The following WWC2 variants were observed in gnomAD, a reference collection of about 807,000 sequenced individuals.
The protein encoded by WWC2 is protein WWC2.
WWC2 carries 101 observed loss-of-function variants against 138.5 expected under a neutral mutation model. The observed-to-expected ratio is 0.73, with a 90% confidence interval of 0.62 to 0.86. The LOEUF (loss-of-function observed/expected upper bound fraction) is 0.86. Among genes scored for constraint, WWC2 ranks in the 40% least tolerant of loss-of-function variants. The probability of loss-of-function intolerance (pLI) is 0.00; values close to 1 mark genes in which losing one functional copy is unlikely to be tolerated. For missense variants in WWC2, 1,420 were observed against 1,419.4 expected (o/e 1.00, Z -0.01); for synonymous variants, 558 against 538.4 (o/e 1.04, Z -0.50).
chr4:183,099,533 G>A lies in WWC2; in HGVS notation c.42G>A (p.Arg14=). 2 of 1,409,388 alleles carry A rather than the reference G, an allele frequency of 1.4e-6. No homozygotes were observed. The highest frequency in any genetic ancestry group is 1.5e-5 in the South Asian group (1 of 68,134). 87.3% of individuals were successfully genotyped at this position (1,409,388 alleles called of 1,614,324 possible). ...RAGSGQLPLP[R]GWEEARDYDG... The stretch of plus-strand genomic sequence containing the variant: ...GGAGCGGTCAGCTGCCGCTGCCCCG[G>A]GGCTGGGAGGAGGCCAGGGACTACG... The change falls in exon 1 of 23, where the codon CGG becomes CGA. Residue 14 remains arginine (R), a synonymous_variant. Transcript: ENST00000403733.
intron 4 of WWC2, among the ~76,000 whole-genome samples, chr4:183,214,794 A>AG (rs1329207660): frequency 1.3e-5 from 2 of 152,192 alleles, no homozygotes; most frequent in East Asian, 3.9e-4. Context: ...AAAAAAAAAA[A>AG]GAAATATGCC....
chr4:183,314,803 G>C (rs1039886574), intron 22 of WWC2, among the ~76,000 whole-genome samples: 4 of 152,248 alleles, frequency 2.6e-5, no homozygotes, highest in South Asian at 4.2e-4. Flanking sequence ...CAAATTTAAA[G>C]GACACTGTTC....
At chr4:183,156,426 G>A (rs1009280541) in intron 1 of WWC2, among the ~76,000 whole-genome samples, 4 of 149,478 alleles carry the variant, frequency 2.7e-5, no homozygotes, top group Non-Finnish European at 5.9e-5. Context: ...CCACTTCCTG[G>A]GTTCAAGTGA....
At chr4:183,246,780 T>C (rs1445913975) in intron 6 of WWC2, among the ~76,000 whole-genome samples, 1 of 152,230 alleles carries the variant, frequency 6.6e-6, no homozygotes, top group Non-Finnish European at 1.5e-5. Context: ...ATATAACACA[T>C]GCAAGACTTT....
chr4:183,249,828 T>G, intron 7 of WWC2, 92 bp from the exon 8 acceptor site: 1 of 1,056,296 alleles, frequency 9.5e-7, no homozygotes, highest in South Asian at 1.5e-5. Flanking sequence ...TTCTTTAACT[T>G]TTCAATTACA....
intron 12 of WWC2, 98 bp from the exon 13 acceptor site, chr4:183,265,590 A>G (rs1737474774): frequency 7.9e-7 from 1 of 1,259,032 alleles, no homozygotes. Flanking sequence ...AGTGCTGTTA[A>G]TTTGGATTTT....
At position 183,250,012 on chromosome 4, in the gene WWC2, T is replaced by G. The variant is rs776298101; in HGVS notation, c.953+19T>G. The stretch of plus-strand genomic sequence containing the variant: ...AAAGAAGGTAATGACAGAGAAGCTG[T>G]TTTGTGCATGGCTCAAACATTTTCT... On this transcript the variant is annotated intron_variant, in intron 8 of 22. Transcript: ENST00000403733. The G allele has an allele frequency of 1.2e-6, 2 of 1,606,926 alleles. No individual in the cohort carries two copies. Among genetic ancestry groups the G allele is most frequent in the Non-Finnish European group, 8.5e-7 (1 of 1,173,940 alleles).
rs1318556738 is a variant in WWC2 at position 183,111,649 on chromosome 4, C to CT, written c.131+12029dup. Reference sequence around the variant, plus strand: ...CCATATGTTCTTTTCTTATCTGCTGCTTATCAGTGTTTGAGTTTGATAAAA... The same window carrying CT: ...CCATATGTTCTTTTCTTATCTGCTGCTTTATCAGTGTTTGAGTTTGATAAAA... On this transcript the variant is annotated intron_variant, in intron 1 of 22. Coordinates refer to ENST00000403733, the MANE Select transcript of WWC2 (RefSeq NM_024949.6). 4.3e-3 allele frequency among the ~76,000 whole-genome samples: 652 copies of CT among 151,028 alleles called. 4 individuals carry two copies. Among genetic ancestry groups the CT allele is most frequent in the African/African-American group, 0.015 (608 of 41,234 alleles).
intron 1 of WWC2, among the ~76,000 whole-genome samples, chr4:183,180,370 G>A (rs193122870): frequency 7.2e-5 from 11 of 152,272 alleles, no homozygotes; most frequent in African/African-American, 2.6e-4. Flanking sequence ...AGGGTATCTT[G>A]TTGGTATTAG....
chr4:183,277,372 G>T (rs1737895451), intron 16 of WWC2, among the ~76,000 whole-genome samples: 3 of 151,422 alleles, frequency 2.0e-5, no homozygotes, highest in Admixed American at 2.0e-4. Flanking sequence ...TCTTAATCCA[G>T]TCTATCATTT....
chr4:183,141,647 A>G (rs572912936), intron 1 of WWC2, among the ~76,000 whole-genome samples: 3 of 152,272 alleles, frequency 2.0e-5, no homozygotes, highest in East Asian at 3.9e-4. Flanking sequence ...ATTTCAAAGT[A>G]TTTGCCATTT....
chr4:183,186,383 T>G (rs1734800892), intron 1 of WWC2, among the ~76,000 whole-genome samples: 1 of 152,150 alleles, frequency 6.6e-6, no homozygotes, highest in African/African-American at 2.4e-5. Flanking sequence ...GTGAAGTAAC[T>G]GTAGGATTAA....
intron 2 of WWC2, among the ~76,000 whole-genome samples, chr4:183,204,100 T>G (rs1257292396): frequency 6.6e-6 from 1 of 152,072 alleles, no homozygotes; most frequent in Non-Finnish European, 1.5e-5. Flanking sequence ...AAAAAACAGC[T>G]GAAGGTTTTA....
chr4:183,249,292 G>A (rs1255162278), intron 7 of WWC2, among the ~76,000 whole-genome samples: 1 of 152,130 alleles, frequency 6.6e-6, no homozygotes, highest in Non-Finnish European at 1.5e-5. Context: ...TGTTTAATTT[G>A]TGATTTATAT....
intron 1 of WWC2, among the ~76,000 whole-genome samples, chr4:183,174,187 C>T (rs571694854): frequency 1.3e-5 from 2 of 152,338 alleles, no homozygotes; most frequent in South Asian, 2.1e-4. Flanking sequence ...GCAGTCCGAG[C>T]CACCTGGAAG....
At chr4:183,310,626 G>C (rs1289512634) in intron 21 of WWC2, among the ~76,000 whole-genome samples, 2 of 150,920 alleles carry the variant, frequency 1.3e-5, no homozygotes, top group Admixed American at 1.3e-4. Context: ...TCAGCCTCCT[G>C]AGTAGTTGGG....
At chr4:183,165,755 T>C (rs545965379) in intron 1 of WWC2, among the ~76,000 whole-genome samples, 2 of 152,326 alleles carry the variant, frequency 1.3e-5, no homozygotes, top group East Asian at 3.9e-4. Context: ...CAAATGCAAC[T>C]TTTTCTTTTT....
intron 9 of WWC2, among the ~76,000 whole-genome samples, chr4:183,254,455 T>C (rs1737078195): frequency 6.6e-6 from 1 of 152,226 alleles, no homozygotes; most frequent in Non-Finnish European, 1.5e-5. Context: ...ACGTACTCAC[T>C]TGCATTTTGT....
chr4:183,273,402 T>C (rs1161910807), intron 16 of WWC2, among the ~76,000 whole-genome samples: 1 of 152,198 alleles, frequency 6.6e-6, no homozygotes, highest in Non-Finnish European at 1.5e-5. Context: ...CCTCCCAGGT[T>C]CAAGTGATTC....
Sources: gnomAD v4.1 joint callset for allele counts (sites outside exome capture counted in the v4.1 genomes callset) on GRCh38, gnomAD v4.1.1 for gene constraint, MANE v1.5 for transcripts, NCBI Gene and HGNC (gene_info 2026-07-23, HGNC 2026-07-21) for gene names.